ADCYAP1: variants seen among roughly 807,000 people sequenced by gnomAD.
ADCYAP1 encodes adenylate cyclase activating polypeptide 1.
A neutral mutation model predicts 18.5 loss-of-function variants in ADCYAP1; 6 were observed. The ratio of observed to expected loss-of-function variants is 0.32; its 90% confidence interval spans 0.18 to 0.64. The LOEUF is 0.64. Among genes scored for constraint, ADCYAP1 ranks in the 30% least tolerant of loss-of-function variants. The pLI, the probability that ADCYAP1 is intolerant of heterozygous loss-of-function variation, is 0.77. For missense variants in ADCYAP1, 314 were observed against 253.6 expected, an observed-to-expected ratio of 1.24 and a Z score of -1.62; for synonymous variants, 136 against 113.9, an observed-to-expected ratio of 1.19 and a Z score of -1.24.
chr18:911,901 T>C lies in ADCYAP1; in HGVS notation c.*2266T>C, dbSNP rs368093870. 9.2e-5 allele frequency: 14 copies of C among 152,346 alleles called. No individual in the cohort carries two copies. The highest frequency in any genetic ancestry group is 3.4e-3 in the Middle Eastern group (1 of 294). 9.4% of individuals were successfully genotyped at this position (152,346 alleles called of 1,614,324 possible). ...TATGAAGTCTAATTTAGTGTTCCCG[T>C]GGCTAGTTGCAAGCATTTTACAGTG... On this transcript the variant is annotated 3_prime_UTR_variant, in exon 5 of 5. Transcript: ENST00000450565.
At chr18:908,776 T>C (rs928980) in intron 4 of ADCYAP1, among the ~76,000 whole-genome samples, 88,168 of 151,970 alleles carry the variant, frequency 0.58, 26,073 homozygotes, top group South Asian at 0.68. Context: ...TGGACACTTA[T>C]GGACCCAAAC....
intron 2 of ADCYAP1, among the ~76,000 whole-genome samples, chr18:907,358 C>T (rs1909206027): frequency 6.7e-6 from 1 of 149,784 alleles, no homozygotes; most frequent in Non-Finnish European, 1.5e-5. Context: ...TTTCCGTAGA[C>T]AGGTGTGCGC....
At chr18:907,366 C>A (rs1909206386) in intron 2 of ADCYAP1, among the ~76,000 whole-genome samples, 1 of 150,276 alleles carries the variant, frequency 6.7e-6, no homozygotes, top group Non-Finnish European at 1.5e-5. Flanking sequence ...GACAGGTGTG[C>A]GCGATCGGCG....
At position 907,710 on chromosome 18, in the gene ADCYAP1, T is replaced by C. The variant is rs745597696; in HGVS notation, c.162T>C (p.Asp54=). The C allele has an allele frequency of 3.9e-6, 6 of 1,553,814 alleles. No individual in the cohort carries two copies. Among genetic ancestry groups the C allele is most frequent in the African/African-American group, 1.4e-5 (1 of 72,172 alleles). ...GEDGNPLPDF[D]GSEPPGAGSP... ...ACGGAAACCCGCTGCCAGACTTCGA[T>C]GGCTCGGAGCCGCCGGGCGCAGGGA... The change falls in exon 3 of 5, where the codon GAT becomes GAC. Residue 54 remains aspartate, a synonymous_variant. Coordinates refer to ENST00000450565, the MANE Select transcript of ADCYAP1 (RefSeq NM_001099733.2).
Position 905,503 on chromosome 18 carries a change from G to T in ADCYAP1, c.110+7G>T. ...TCCGGTTCCCCGGGATCAGGTAGGTGCTGGCTGCCTGGCCCAAGCAGGAGC... is the reference window on the plus strand; with the variant it reads ...TCCGGTTCCCCGGGATCAGGTAGGTTCTGGCTGCCTGGCCCAAGCAGGAGC... On this transcript the variant is annotated splice_region_variant and intron_variant, in intron 2 of 4. Transcript: ENST00000450565. 1 of 1,604,712 alleles carries T rather than the reference G, an allele frequency of 6.2e-7. No homozygotes were observed.
chr18:905,561 G>A, intron 2 of ADCYAP1, 65 bp downstream of exon 2: 7 of 1,570,482 alleles, frequency 4.5e-6, no homozygotes, highest in Admixed American at 1.7e-5. Context: ...CTTCCTCACG[G>A]TCTCCTTCCT....
chr18:909,123 C>A (rs957387020), intron 4 of ADCYAP1, among the ~76,000 whole-genome samples: 13 of 151,448 alleles, frequency 8.6e-5, no homozygotes, highest in Non-Finnish European at 1.9e-4. Flanking sequence ...TTAGCGCAAA[C>A]ACACGAAGGG....
intron 2 of ADCYAP1, chr18:907,444 G>C (rs1413201096): frequency 6.2e-6 from 3 of 483,568 alleles, no homozygotes; most frequent in East Asian, 3.8e-5. Flanking sequence ...CCCGCGAAGG[G>C]GGGGTGGGCG....
upstream of ADCYAP1, chr18:904,752 C>CTT: frequency 7.9e-7 from 1 of 1,259,036 alleles, no homozygotes; most frequent in Non-Finnish European, 1.0e-6. Context: ...TTACGGCCAC[C>CTT]TTGCTCCTCC....
chr18:907,306 T>G (rs748513537), intron 2 of ADCYAP1, among the ~76,000 whole-genome samples: 8 of 152,130 alleles, frequency 5.3e-5, no homozygotes, highest in Non-Finnish European at 8.8e-5. Flanking sequence ...CCGTTGCTGC[T>G]TTGGGGAGGC....
chr18:904,905 C>G lies in ADCYAP1; in HGVS notation c.-157C>G. 7.8e-7 allele frequency: 1 copy of G among 1,289,372 alleles called. No individual in the cohort carries two copies. The highest frequency in any genetic ancestry group is 1.0e-6 in the Non-Finnish European group (1 of 988,784). The allele number at this position is 1,289,372 out of a possible 1,614,324, so 79.9% of individuals were successfully genotyped here. A position where few individuals can be genotyped will look rare whatever the true frequency, so the allele number is the denominator to read the frequency against. On this transcript the variant is annotated 5_prime_UTR_variant, in exon 1 of 5. Transcript: ENST00000450565. ...GCCTCGGCAAACGAGTCCCGCAGCT[C>G]CTCCTGCTGCTCCCGCTGGTTCCTG...
Position 905,383 on chromosome 18 carries a change from C to G in ADCYAP1, c.-1-3C>G. ...TGTGTGTCCTCTTTCCCATCCTGCG[C>G]AGAATGACCATGTGTAGCGGAGCGA... On this transcript the variant is annotated splice_region_variant and splice_polypyrimidine_tract_variant and intron_variant, in intron 1 of 4. Coordinates refer to ENST00000450565, the MANE Select transcript of ADCYAP1 (RefSeq NM_001099733.2). 1.9e-6 allele frequency: 3 copies of G among 1,612,876 alleles called. No individual in the cohort carries two copies. The highest frequency in any genetic ancestry group is 2.5e-6 in the Non-Finnish European group (3 of 1,179,954).
chr18:908,416 G>C (rs2143121092), intron 4 of ADCYAP1, 53 bp downstream of exon 4: 2 of 1,506,032 alleles, frequency 1.3e-6, no homozygotes, highest in Non-Finnish European at 1.8e-6. Context: ...GTGCCTGTGC[G>C]GGGCGCGCGG....
At chr18:904,808 C>G (rs1222691900), upstream of ADCYAP1, 2 of 1,285,864 alleles carry the variant, frequency 1.6e-6, no homozygotes, top group Non-Finnish European at 2.0e-6. Context: ...GCCTCTCTCT[C>G]TGCGCCCCCT....
chr18:907,073 A>T (rs1909194721), intron 2 of ADCYAP1, among the ~76,000 whole-genome samples: 1 of 152,068 alleles, frequency 6.6e-6, no homozygotes, highest in Non-Finnish European at 1.5e-5. Context: ...TTTATTATTC[A>T]TGTTCCTGCC....
At position 907,776 on chromosome 18, in the gene ADCYAP1, C is replaced by G; in HGVS notation, c.228C>G (p.Arg76=). 1 of 1,448,662 alleles carries G rather than the reference C, an allele frequency of 6.9e-7. No homozygotes were observed. Among genetic ancestry groups the G allele is most frequent in the South Asian group, 1.4e-5 (1 of 69,448 alleles). The allele number at this position is 1,448,662 out of a possible 1,614,324, so 89.7% of individuals were successfully genotyped here. ...SAPRAAAAWY[R]PAGRRDVAHG... ...CGCGCGCCGCCGCCGCCTGGTACCGCCCGGCCGGGAGAAGGTGAGATTCGC... is the reference window on the plus strand; with the variant it reads ...CGCGCGCCGCCGCCGCCTGGTACCGGCCGGCCGGGAGAAGGTGAGATTCGC... Residue 76 remains arginine (R), a synonymous_variant, in exon 3 of 5, where the codon CGC becomes CGG. Coordinates refer to ENST00000450565, the MANE Select transcript of ADCYAP1 (RefSeq NM_001099733.2).
At chr18:904,569 A>G, upstream of ADCYAP1, 1 of 1,288,592 alleles carries the variant, frequency 7.8e-7, no homozygotes, top group Non-Finnish European at 1.0e-6. Context: ...CCGCAGCTTC[A>G]GAGGCAGCCG....
At position 909,699 on chromosome 18, in the gene ADCYAP1, G is replaced by T; in HGVS notation, c.*64G>T. 2.7e-6 allele frequency: 4 copies of T among 1,467,314 alleles called. No homozygotes were observed. The highest frequency in any genetic ancestry group is 1.2e-5 in the South Asian group (1 of 80,076). 90.9% of individuals were successfully genotyped at this position (1,467,314 alleles called of 1,614,324 possible). ...GCAATGAAAAGTCGTTTTCCAAACT[G>T]ACTCAACAGTCATCGCTCGTGTGTT... On this transcript the variant is annotated 3_prime_UTR_variant, in exon 5 of 5. Transcript: ENST00000450565.
At chr18:905,636 C>A in intron 2 of ADCYAP1, 140 bp downstream of exon 2, 1 of 1,026,710 alleles carries the variant, frequency 9.7e-7, no homozygotes, top group Non-Finnish European at 1.4e-6. Context: ...CCGCCAGCCT[C>A]GGCTGGACAG....
Sources: gnomAD v4.1 joint callset for allele counts (sites outside exome capture counted in the v4.1 genomes callset) on GRCh38, gnomAD v4.1.1 for gene constraint, MANE v1.5 for transcripts, NCBI Gene and HGNC (gene_info 2026-07-23, HGNC 2026-07-21) for gene names.